FAM167A: variants seen among roughly 807,000 people sequenced by gnomAD.
FAM167A encodes the protein protein FAM167A.
Under a neutral mutation model 14.9 loss-of-function variants are expected in FAM167A, and 23 were observed. The ratio of observed to expected loss-of-function variants is 1.55; its 90% CI spans 1.11 to 2.19. The LOEUF (loss-of-function observed/expected upper bound fraction) is 2.19. FAM167A is among the 30% of genes most tolerant of loss of function. The pLI is 0.00. For synonymous variants in FAM167A, 174 were observed against 117.7 expected (o/e 1.48, Z -3.10); for missense variants, 401 against 281.5 (o/e 1.42, Z -3.04).
intron 1 of FAM167A, chr8:11,445,264 C>A (rs1806713031): frequency 1.0e-5 from 10 of 985,546 alleles, no homozygotes; most frequent in Non-Finnish European, 1.2e-5. Flanking sequence ...AGCAGGGAAA[C>A]CGCACCCCAC....
chr8:11,465,806 G>A (rs1306773668), intron 1 of FAM167A, among the ~76,000 whole-genome samples: 1 of 152,182 alleles, frequency 6.6e-6, no homozygotes, highest in African/African-American at 2.4e-5. Context: ...CAGCAATGAC[G>A]GGGAGTTTGT....
At chr8:11,460,818 C>T (rs1010290843) in intron 1 of FAM167A, among the ~76,000 whole-genome samples, 1 of 152,102 alleles carries the variant, frequency 6.6e-6, no homozygotes, top group Non-Finnish European at 1.5e-5. Flanking sequence ...CCGAGTTGAA[C>T]CCTGCATCTA....
chr8:11,425,386 G>A (rs1805064909), intron 2 of FAM167A, among the ~76,000 whole-genome samples: 1 of 152,178 alleles, frequency 6.6e-6, no homozygotes, highest in South Asian at 2.1e-4. Context: ...GAGGAAGCCG[G>A]ACAGCTGGAC....
chr8:11,463,965 C>A (rs1038734831), intron 1 of FAM167A, among the ~76,000 whole-genome samples: 1 of 152,166 alleles, frequency 6.6e-6, no homozygotes, highest in African/African-American at 2.4e-5. Context: ...TGGCAGGGCC[C>A]TGGCATGGAG....
intron 2 of FAM167A, among the ~76,000 whole-genome samples, chr8:11,439,892 T>C (rs913643296): frequency 6.6e-6 from 1 of 152,080 alleles, no homozygotes; most frequent in Non-Finnish European, 1.5e-5. Flanking sequence ...CAGGGCCCCA[T>C]CCCAGGGAGT....
rs1804868022 is a variant in FAM167A at position 11,423,026 on chromosome 8, T to C, written c.*1347A>G. 1 of 152,680 alleles carries C rather than the reference T, an allele frequency of 6.5e-6. No individual in the cohort carries two copies. The highest frequency in any genetic ancestry group is 1.5e-5 in the Non-Finnish European group (1 of 68,050). 9.5% of individuals were successfully genotyped at this position (152,680 alleles called of 1,614,324 possible). A position where few individuals can be genotyped will look rare whatever the true frequency, so the allele number is the denominator to read the frequency against. On this transcript the variant is annotated 3_prime_UTR_variant, in exon 3 of 3. Transcript: ENST00000284486. ...TTGACATGTGATCTACTAGGCATTATCAATAATGGTTTCACACATCAATAT... is the reference window on the plus strand; with the variant it reads ...TTGACATGTGATCTACTAGGCATTACCAATAATGGTTTCACACATCAATAT...
rs1021015049 is a variant in FAM167A at position 11,421,678 on chromosome 8, A to G, written c.*2695T>C. 5.0e-6 allele frequency: 2 copies of G among 398,870 alleles called. No individual in the cohort carries two copies. The highest frequency in any genetic ancestry group is 8.8e-6 in the Non-Finnish European group (2 of 226,066). 24.7% of individuals were successfully genotyped at this position (398,870 alleles called of 1,614,324 possible). A position where few individuals can be genotyped will look rare whatever the true frequency, so the allele number is the denominator to read the frequency against. On this transcript the variant is annotated 3_prime_UTR_variant, in exon 3 of 3. Coordinates refer to ENST00000284486, the MANE Select transcript of FAM167A (RefSeq NM_053279.3). ...CCCAGGCCCTCCAGGCCTCTTTGAT[A>G]GCTACTGAGCCCCTGAAGGCATCAA... is the stretch of plus-strand genomic sequence containing the variant.
chr8:11,422,208 ATCTT>A lies in FAM167A; in HGVS notation c.*2161_*2164del, dbSNP rs1270429942. Reference sequence around the variant, plus strand: ...AATTGGACTGACTACATTCAGCTAAATCTTTCCATTTTCGCTGAACCCAATGGTT... The same window carrying A: ...AATTGGACTGACTACATTCAGCTAAATCCATTTTCGCTGAACCCAATGGTT... On this transcript the variant is annotated 3_prime_UTR_variant, in exon 3 of 3. Transcript: ENST00000284486. The A allele has an allele frequency of 2.2e-5, 4 of 181,654 alleles. No individual in the cohort carries two copies. Among genetic ancestry groups the A allele is most frequent in the African/African-American group, 9.4e-5 (4 of 42,588 alleles). 11.3% of individuals were successfully genotyped at this position (181,654 alleles called of 1,614,324 possible). A position where few individuals can be genotyped will look rare whatever the true frequency, so the allele number is the denominator to read the frequency against.
chr8:11,433,228 G>T (rs1805743168), intron 2 of FAM167A, among the ~76,000 whole-genome samples: 2 of 151,762 alleles, frequency 1.3e-5, no homozygotes. Context: ...AAATAAAAAA[G>T]AACATGTAAT....
rs575396696 is a variant in FAM167A at position 11,444,829 on chromosome 8, G to T, written c.-397-21C>A. On this transcript the variant is annotated intron_variant, in intron 1 of 2. Coordinates refer to ENST00000284486, the MANE Select transcript of FAM167A (RefSeq NM_053279.3). The stretch of plus-strand genomic sequence containing the variant: ...AGACCCTGTGGGAGGGATGAGAACC[G>T]CATCAGTCCCGATCCCTGCCCTGCC... 8 of 997,978 alleles carry T rather than the reference G, an allele frequency of 8.0e-6. No homozygotes were observed. The East Asian group carries it at 6.6e-4, about 82-fold the overall frequency. 61.8% of individuals were successfully genotyped at this position (997,978 alleles called of 1,614,324 possible).
At chr8:11,466,468 G>A in intron 1 of FAM167A, among the ~76,000 whole-genome samples, 158 bp downstream of exon 1, 1 of 146,956 alleles carries the variant, frequency 6.8e-6, no homozygotes, top group East Asian at 1.9e-4. Context: ...GGGGGCGGTA[G>A]GAGCGCGTCC....
Position 11,444,553 on chromosome 8 carries a change from G to T in FAM167A, c.-142C>A. ...ATTTCCGGGACAGGAGCCGGCCTCA[G>T]AGGCTGGGTGGCAGGGGAGCTGAGA... is the stretch of plus-strand genomic sequence containing the variant. On this transcript the variant is annotated 5_prime_UTR_variant, in exon 2 of 3. It adds an upstream start codon to the 5' untranslated region. Coordinates refer to ENST00000284486, the MANE Select transcript of FAM167A (RefSeq NM_053279.3). The T allele has an allele frequency of 6.8e-7, 1 of 1,463,194 alleles. No homozygotes were observed. The highest frequency in any genetic ancestry group is 9.0e-7 in the Non-Finnish European group (1 of 1,115,756). 90.6% of individuals were successfully genotyped at this position (1,463,194 alleles called of 1,614,324 possible). A position where few individuals can be genotyped will look rare whatever the true frequency, so the allele number is the denominator to read the frequency against.
chr8:11,466,937 C>T (rs1438864998), upstream of FAM167A, among the ~76,000 whole-genome samples: 1 of 152,324 alleles, frequency 6.6e-6, no homozygotes, highest in Middle Eastern at 3.4e-3. Context: ...GGGCAGCCCC[C>T]GCGAGTGGAG....
intron 2 of FAM167A, chr8:11,443,741 T>G: frequency 4.0e-5 from 14 of 351,962 alleles, no homozygotes; most frequent in East Asian, 7.1e-5. Flanking sequence ...GGGAGCGGTG[T>G]TGGGGGGAGG....
At chr8:11,429,319 A>AT (rs1805409875) in intron 2 of FAM167A, among the ~76,000 whole-genome samples, 1 of 152,224 alleles carries the variant, frequency 6.6e-6, no homozygotes, top group Admixed American at 6.5e-5. Context: ...CAATGAAGAT[A>AT]TGTCTTTGCT....
chr8:11,473,646 G>A (rs565865365), intron 1 of FAM167A, among the ~76,000 whole-genome samples: 2 of 152,272 alleles, frequency 1.3e-5, no homozygotes, highest in East Asian at 1.9e-4. Flanking sequence ...TGCAGGGTGC[G>A]GTTCTATCTC....
At chr8:11,448,291 G>A (rs915915246) in intron 1 of FAM167A, among the ~76,000 whole-genome samples, 1 of 152,010 alleles carries the variant, frequency 6.6e-6, no homozygotes, top group African/African-American at 2.4e-5. Flanking sequence ...CAGCCATGAG[G>A]CTAGTTCTGG....
Position 11,423,219 on chromosome 8 carries a change from T to C in FAM167A, c.*1154A>G, listed in dbSNP as rs971158564. On this transcript the variant is annotated 3_prime_UTR_variant, in exon 3 of 3. Coordinates refer to ENST00000284486, the MANE Select transcript of FAM167A (RefSeq NM_053279.3). ...GCCGAGGGACCCCTGCCATGCCGTA[T>C]GACCCCAGACTGACCTCCCTAACCT... 1 of 152,262 alleles carries C rather than the reference T, an allele frequency of 6.6e-6. No individual in the cohort carries two copies. Among genetic ancestry groups the C allele is most frequent in the East Asian group, 1.9e-4 (1 of 5,202 alleles). The allele number at this position is 152,262 out of a possible 1,614,324, so 9.4% of individuals were successfully genotyped here.
At chr8:11,471,302 G>A (rs1807953602), upstream of FAM167A, among the ~76,000 whole-genome samples, 1 of 152,212 alleles carries the variant, frequency 6.6e-6, no homozygotes, top group Non-Finnish European at 1.5e-5. Context: ...ACAGCTGCAG[G>A]GCTCGGCGCA....
Sources: allele counts gnomAD v4.1 joint callset (sites outside exome capture counted in the v4.1 genomes callset), GRCh38; gene constraint gnomAD v4.1.1; transcripts MANE v1.5; gene names NCBI Gene and HGNC (gene_info 2026-07-23, HGNC 2026-07-21).